RSF1: variants seen among roughly 807,000 people sequenced by gnomAD.
The protein encoded by RSF1 is remodeling and spacing factor 1.
In RSF1, 13 loss-of-function variants were observed where a neutral mutation model predicts 145.2. That is an observed-to-expected ratio of 0.09 (90% CI 0.06 to 0.14). The LOEUF (loss-of-function observed/expected upper bound fraction) is 0.14. Among genes scored for constraint, RSF1 ranks in the 10% least tolerant of loss-of-function variants. The pLI is 1.00. For missense variants in RSF1, 1,517 were observed against 1,718.2 expected (o/e 0.88, Z 2.07); for synonymous variants, 577 against 592.6 (o/e 0.97, Z 0.38).
rs71046906 is a variant in RSF1 at position 77,700,349 on chromosome 11, CAAAAAAAAAAA to C, written c.2508+361_2508+371del. ...CTGGCGACAGAGCAAGACTGTCTCA[CAAAAAAAAAAA>C]AAAAAAAAAAAAAAAAAGACTGCAA... On this transcript the variant is annotated intron_variant, in intron 6 of 15. Coordinates refer to ENST00000308488, the MANE Select transcript of RSF1 (RefSeq NM_016578.4). 6.6e-3 allele frequency among the ~76,000 whole-genome samples: 312 copies of C among 47,228 alleles called. 5 individuals carry two copies. The highest frequency in any genetic ancestry group is 0.022 in the African/African-American group (290 of 13,032). The allele number at this position is 47,228 out of a possible 152,430, so 31.0% of individuals were successfully genotyped here. A position where few individuals can be genotyped will look rare whatever the true frequency, so the allele number is the denominator to read the frequency against.
chr11:77,671,350 T>C (rs1040464993), intron 15 of RSF1, among the ~76,000 whole-genome samples: 1 of 150,798 alleles, frequency 6.6e-6, no homozygotes, highest in African/African-American at 2.4e-5. Context: ...CCAACTGAAA[T>C]CATAGTCAAG....
chr11:77,870,641 T>G, the RSF1 span, among the ~76,000 whole-genome samples: 2 of 152,134 alleles, frequency 1.3e-5, no homozygotes, highest in African/African-American at 4.8e-5. Flanking sequence ...CTGGCTTATT[T>G]TTTAATTTTC....
chr11:77,707,215 A>G (rs773290705), intron 5 of RSF1, among the ~76,000 whole-genome samples: 7 of 152,222 alleles, frequency 4.6e-5, no homozygotes, highest in Non-Finnish European at 8.8e-5. Flanking sequence ...ACCTGCAGTA[A>G]GACACTCAAA....
At chr11:77,754,489 C>G (rs1343872206) in intron 2 of RSF1, among the ~76,000 whole-genome samples, 1 of 152,082 alleles carries the variant, frequency 6.6e-6, no homozygotes, top group Non-Finnish European at 1.5e-5. Flanking sequence ...CTCCTGTAAT[C>G]CCAGCACACT....
intron 1 of RSF1, among the ~76,000 whole-genome samples, chr11:77,771,119 T>A (rs1948280999): frequency 6.6e-6 from 1 of 151,760 alleles, no homozygotes; most frequent in South Asian, 2.1e-4. Context: ...ACAGAAAGAG[T>A]CAAAACAAAT....
At chr11:77,823,760 TA>T (rs1338049097), upstream of RSF1, among the ~76,000 whole-genome samples, 2 of 151,900 alleles carry the variant, frequency 1.3e-5, no homozygotes, top group African/African-American at 4.8e-5. Context: ...TATTTTAAAA[TA>T]AAATTGTATC....
In RSF1 at chr11:77,676,792, C is replaced by T. The variant is rs1023925866; in HGVS notation, c.3341G>A (p.Gly1114Glu). Residue 1114 changes from glycine to glutamate, a missense_variant and splice_region_variant, in exon 13 of 16, where the codon GGA becomes GAA. Physicochemically the swap from Gly to Glu is moderately conservative, Grantham distance 98. Around this residue, in one of 12 missense-constraint regions of RSF1, gnomAD observed 231 missense variants for 276.6 expected, o/e 0.84. Coordinates refer to ENST00000308488, the MANE Select transcript of RSF1 (RefSeq NM_016578.4). Reference sequence around the variant, plus strand: ...CGGGGCCTAGTAGGAGACCACACACCCATCACTGATCTTGAATTCATCCTC... The same window carrying T: ...CGGGGCCTAGTAGGAGACCACACACTCATCACTGATCTTGAATTCATCCTC... Reference protein sequence around the residue: ...ESEDEFKISDGSQDEFVVSDE... With the variant: ...ESEDEFKISDESQDEFVVSDE... 2 of 1,613,372 alleles carry T rather than the reference C, an allele frequency of 1.2e-6. No individual in the cohort carries two copies. Among genetic ancestry groups the T allele is most frequent in the African/African-American group, 2.7e-5 (2 of 74,880 alleles).
intron 4 of RSF1, among the ~76,000 whole-genome samples, chr11:77,731,580 T>G (rs528970649): frequency 1.3e-5 from 2 of 152,312 alleles, no homozygotes; most frequent in Non-Finnish European, 2.9e-5. Flanking sequence ...ATCACAGGCC[T>G]GGAGGCCTAG....
chr11:77,728,802 G>A (rs1003009795), intron 4 of RSF1, among the ~76,000 whole-genome samples: 2 of 151,934 alleles, frequency 1.3e-5, no homozygotes, highest in Non-Finnish European at 2.9e-5. Flanking sequence ...ATGGGTACAG[G>A]GTTTTCTTTT....
intron 1 of RSF1, among the ~76,000 whole-genome samples, chr11:77,801,452 C>G (rs749003930): frequency 6.6e-6 from 1 of 152,094 alleles, no homozygotes; most frequent in East Asian, 1.9e-4. Flanking sequence ...AATACATATT[C>G]GATCTTTGCT....
rs1590833643 is a variant in RSF1 at position 77,693,659 on chromosome 11, G to A, written c.2716-48C>T. The A allele has an allele frequency of 3.8e-6, 5 of 1,323,748 alleles. No homozygotes were observed. The African/African-American group carries it at 7.2e-5, about 19-fold the overall frequency. 82.0% of individuals were successfully genotyped at this position (1,323,748 alleles called of 1,614,324 possible). A position where few individuals can be genotyped will look rare whatever the true frequency, so the allele number is the denominator to read the frequency against. On this transcript the variant is annotated intron_variant, in intron 7 of 15. Coordinates refer to ENST00000308488, the MANE Select transcript of RSF1 (RefSeq NM_016578.4). ...AACCTAACTATGACTAAAATTCAAT[G>A]ACTCTTAGGTTAAAGACGTTTCAAT...
chr11:77,757,300 T>C (rs1279432829), intron 2 of RSF1, among the ~76,000 whole-genome samples: 1 of 152,094 alleles, frequency 6.6e-6, no homozygotes, highest in South Asian at 2.1e-4. Context: ...GACAAGACCA[T>C]GAAGGAAGAC....
intron 11 of RSF1, among the ~76,000 whole-genome samples, chr11:77,682,322 A>C (rs988093348): frequency 1.3e-5 from 2 of 152,180 alleles, no homozygotes; most frequent in Non-Finnish European, 2.9e-5. Flanking sequence ...AGTTTCATAA[A>C]ATCCACTGTT....
chr11:77,723,537 C>T (rs1454785862), intron 5 of RSF1, among the ~76,000 whole-genome samples: 3 of 152,134 alleles, frequency 2.0e-5, no homozygotes, highest in East Asian at 1.9e-4. Context: ...TTTTTCAAAG[C>T]AGAAATTGGG....
chr11:77,769,290 A>G (rs1344020265), intron 1 of RSF1, among the ~76,000 whole-genome samples: 1 of 152,200 alleles, frequency 6.6e-6, no homozygotes, highest in Non-Finnish European at 1.5e-5. Flanking sequence ...TTTTAAATAC[A>G]TGATCATTTT....
the RSF1 span, chr11:77,869,987 T>C: frequency 1.8e-6 from 1 of 542,604 alleles, no homozygotes; most frequent in Non-Finnish European, 3.3e-6. Context: ...AGCGTTGGGC[T>C]CTCCAGTCTA....
At chr11:77,857,775 C>T in the RSF1 span, among the ~76,000 whole-genome samples, 1 of 151,202 alleles carries the variant, frequency 6.6e-6, no homozygotes, top group South Asian at 2.1e-4. Flanking sequence ...TGGCTCACTG[C>T]AGCCTCCACC....
the RSF1 span, among the ~76,000 whole-genome samples, chr11:77,833,009 A>ATTTTTTTTT: frequency 1.7e-5 from 1 of 60,036 alleles, no homozygotes; most frequent in African/African-American, 7.0e-5. Flanking sequence ...ATATATATAT[A>ATTTTTTTTT]TTTTTTTTTT....
intron 5 of RSF1, among the ~76,000 whole-genome samples, chr11:77,722,867 A>C (rs1372476497): frequency 1.3e-5 from 2 of 152,168 alleles, no homozygotes; most frequent in Admixed American, 1.3e-4. Flanking sequence ...TTACCTAGAA[A>C]AAGTTTGTTC....
Sources: gnomAD v4.1 joint callset for allele counts (sites outside exome capture counted in the v4.1 genomes callset) on GRCh38, gnomAD v4.1.1 for gene constraint, gnomAD v4.1.1 regional missense constraint, MANE v1.5 for transcripts, NCBI Gene and HGNC (gene_info 2026-07-23, HGNC 2026-07-21) for gene names.